Variants in GDPD5 observed in about 807,000 individuals in gnomAD.
GDPD5 encodes the protein glycerophosphodiester phosphodiesterase domain containing 5, also known as glycerophosphodiester phosphodiesterase 2.
In GDPD5, 48 loss-of-function variants were observed where a neutral mutation model predicts 75.1. That is an observed-to-expected ratio of 0.64 (90% CI 0.51 to 0.81). The LOEUF is 0.81. Among genes scored for constraint, GDPD5 ranks in the 40% least tolerant of loss-of-function variants. The pLI, the probability that GDPD5 is intolerant of heterozygous loss-of-function variation, is 0.00. For missense variants in GDPD5, 706 were observed against 822.6 expected, an observed-to-expected ratio of 0.86 and a Z score of 1.73; for synonymous variants, 336 against 339.0, an observed-to-expected ratio of 0.99 and a Z score of 0.10.
intron 2 of GDPD5, chr11:75,485,889 T>C (rs1486550640): frequency 6.6e-6 from 1 of 152,214 alleles, no homozygotes; most frequent in African/African-American, 2.4e-5. Flanking sequence ...ACCTTTGGCA[T>C]TGTGCTAGGG....
intron 9 of GDPD5, among the ~76,000 whole-genome samples, chr11:75,444,878 G>A (rs1948947417): frequency 1.3e-5 from 2 of 152,198 alleles, no homozygotes; most frequent in South Asian, 4.1e-4. Context: ...TGGCTCTCTG[G>A]CAGTCTTGGG....
chr11:75,453,584 C>T (rs1949218740), intron 6 of GDPD5, among the ~76,000 whole-genome samples: 1 of 149,276 alleles, frequency 6.7e-6, no homozygotes, highest in Admixed American at 6.7e-5. Flanking sequence ...TGCCACTGCA[C>T]TCCAGCCTGG....
rs1376202461 is a variant in GDPD5, at chr11:75,462,701, C to T, written c.221+85G>A. 7.8e-5 allele frequency: 81 copies of T among 1,044,772 alleles called. No homozygotes were observed. The East Asian group carries it at 2.0e-3, about 26-fold the overall frequency. 64.7% of individuals were successfully genotyped at this position (1,044,772 alleles called of 1,614,324 possible). Reference sequence around the variant, plus strand: ...GAGCTCAGAGGGCCAACCTGGGAGACAGGCTCTAACTCCAGCCCCCAGGTC... The same window carrying T: ...GAGCTCAGAGGGCCAACCTGGGAGATAGGCTCTAACTCCAGCCCCCAGGTC... On this transcript the variant is annotated intron_variant, in intron 4 of 16. Transcript: ENST00000336898.
intron 1 of GDPD5, chr11:75,507,200 C>A: frequency 6.6e-6 from 1 of 152,054 alleles, no homozygotes; most frequent in Non-Finnish European, 1.5e-5. Flanking sequence ...CTGCTCTGTG[C>A]CAGCAGGGCC....
In GDPD5 at chr11:75,525,422, C is replaced by G. The variant is rs1414989008; in HGVS notation, c.-357G>C. ...GGCTTCCCGGGCGCTCGCGCTGTTCCAAGCTGTTCCAACTGAAGGTTGGGG... is the reference window on the plus strand; with the variant it reads ...GGCTTCCCGGGCGCTCGCGCTGTTCGAAGCTGTTCCAACTGAAGGTTGGGG... On this transcript the variant is annotated 5_prime_UTR_variant, in exon 1 of 17. Coordinates refer to ENST00000336898, the MANE Select transcript of GDPD5 (RefSeq NM_030792.8). 6.6e-6 allele frequency: 1 copy of G among 152,366 alleles called. No individual in the cohort carries two copies. Among genetic ancestry groups the G allele is most frequent in the African/African-American group, 2.4e-5 (1 of 41,460 alleles). The allele number at this position is 152,366 out of a possible 1,614,324, so 9.4% of individuals were successfully genotyped here.
At position 75,462,906 on chromosome 11, in the gene GDPD5, G is replaced by C. The variant is rs746742028; in HGVS notation, c.118-17C>G. 1 of 1,605,608 alleles carries C rather than the reference G, an allele frequency of 6.2e-7. No homozygotes were observed. The highest frequency in any genetic ancestry group is 1.3e-5 in the African/African-American group (1 of 74,736). Reference sequence around the variant, plus strand: ...GCGCTCCCACTGGAAGAGCAGAGGAGGAGGGGATTAAGTGGGTCAGGGGCC... The same window carrying C: ...GCGCTCCCACTGGAAGAGCAGAGGACGAGGGGATTAAGTGGGTCAGGGGCC... On this transcript the variant is annotated splice_polypyrimidine_tract_variant and intron_variant, in intron 3 of 16. Transcript: ENST00000336898.
chr11:75,449,714 C>T, intron 7 of GDPD5, 104 bp from the exon 8 acceptor site: 1 of 1,314,548 alleles, frequency 7.6e-7, no homozygotes, highest in Non-Finnish European at 1.1e-6. Context: ...ACCCTGTCTC[C>T]ATCTGCCAAC....
At chr11:75,503,239 T>C (rs1950329730) in intron 1 of GDPD5, among the ~76,000 whole-genome samples, 2 of 152,320 alleles carry the variant, frequency 1.3e-5, no homozygotes, top group African/African-American at 4.8e-5. Flanking sequence ...CAGGCTGGTC[T>C]CGAACTCCTG....
intron 1 of GDPD5, among the ~76,000 whole-genome samples, chr11:75,509,975 T>C (rs901815596): frequency 6.6e-6 from 1 of 152,232 alleles, no homozygotes; most frequent in Non-Finnish European, 1.5e-5. Context: ...CTACCACACC[T>C]GGCTGCCCAT....
chr11:75,456,212 T>G (rs1017834858), intron 6 of GDPD5, among the ~76,000 whole-genome samples: 1 of 152,024 alleles, frequency 6.6e-6, no homozygotes, highest in Non-Finnish European at 1.5e-5. Flanking sequence ...TGTCCCATGA[T>G]GGGTTGGGAG....
At chr11:75,459,487 G>C (rs1949365797) in intron 4 of GDPD5, among the ~76,000 whole-genome samples, 1 of 151,950 alleles carries the variant, frequency 6.6e-6, no homozygotes, top group African/African-American at 2.4e-5. Context: ...ATTTTTAAGG[G>C]GCATGATAGA....
intron 15 of GDPD5, chr11:75,438,717 GC>G (rs1026670183): frequency 7.2e-5 from 11 of 153,184 alleles, no homozygotes; most frequent in African/African-American, 2.4e-4. Flanking sequence ...ACAGTGTCAG[GC>G]CAGGGTCTCT....
chr11:75,448,408 A>G, intron 9 of GDPD5: 1 of 898,828 alleles, frequency 1.1e-6, no homozygotes, highest in Non-Finnish European at 1.3e-6. Context: ...AAAGAGATGG[A>G]AACTGTTGGG....
At chr11:75,504,994 T>C (rs1950365712) in intron 1 of GDPD5, among the ~76,000 whole-genome samples, 1 of 151,812 alleles carries the variant, frequency 6.6e-6, no homozygotes, top group African/African-American at 2.4e-5. Flanking sequence ...GGTGTGCGCA[T>C]GCCTGTAATC....
chr11:75,505,109 G>A (rs1215981545), intron 1 of GDPD5, among the ~76,000 whole-genome samples: 10 of 150,966 alleles, frequency 6.6e-5, no homozygotes, highest in Admixed American at 2.0e-4. Context: ...GTGACAGAGC[G>A]AGACTCCATC....
chr11:75,439,037 C>T (rs1948707198), intron 15 of GDPD5, among the ~76,000 whole-genome samples: 1 of 152,098 alleles, frequency 6.6e-6, no homozygotes, highest in African/African-American at 2.4e-5. Flanking sequence ...GGCAGGGTCC[C>T]CTCCCCCAGG....
chr11:75,447,484 C>T (rs940376910), intron 9 of GDPD5, among the ~76,000 whole-genome samples: 6 of 151,698 alleles, frequency 4.0e-5, no homozygotes, highest in Admixed American at 2.0e-4. Flanking sequence ...TTTACTACCC[C>T]AGAAAAAAAA....
At chr11:75,495,910 C>T (rs906726857) in intron 1 of GDPD5, among the ~76,000 whole-genome samples, 1 of 152,318 alleles carries the variant, frequency 6.6e-6, no homozygotes, top group Non-Finnish European at 1.5e-5. Context: ...GCCCTGCCTT[C>T]CCCAGTTTGC....
chr11:75,452,082 A>AGAGTCTTTCATTCATTCGAT (rs1949174420), intron 6 of GDPD5: 1 of 152,220 alleles, frequency 6.6e-6, no homozygotes, highest in South Asian at 2.1e-4. Context: ...GGGATACAAC[A>AGAGTCTTTCATTCATTCGAT]GAGTCTTTCA....
Sources: gnomAD v4.1 joint callset for allele counts (sites outside exome capture counted in the v4.1 genomes callset) on GRCh38, gnomAD v4.1.1 for gene constraint, MANE v1.5 for transcripts, NCBI Gene and HGNC (gene_info 2026-07-23, HGNC 2026-07-21) for gene names.